Variants in CNTN5 observed in about 807,000 individuals in gnomAD.
CNTN5 encodes the protein contactin 5.
A neutral mutation model predicts 129.1 loss-of-function variants in CNTN5; 77 were observed. That is an observed-to-expected ratio of 0.60 (90% CI 0.50 to 0.72). CNTN5 has a LOEUF of 0.72. Among genes scored for constraint, CNTN5 ranks in the 30% least tolerant of loss-of-function variants. The pLI, the probability that CNTN5 is intolerant of heterozygous loss-of-function variation, is 0.00. For missense variants in CNTN5, 1,478 were observed against 1,328.8 expected (o/e 1.11, Z -1.75); for synonymous variants, 509 against 465.6 (o/e 1.09, Z -1.20).
intron 3 of CNTN5, among the ~76,000 whole-genome samples, chr11:99,606,458 A>C (rs1177313799): frequency 6.9e-6 from 1 of 145,796 alleles, no homozygotes; most frequent in Non-Finnish European, 1.5e-5. Flanking sequence ...GGACACAAAC[A>C]AATGGAAGAA....
At chr11:99,164,571 C>T (rs1860786297) in intron 1 of CNTN5, among the ~76,000 whole-genome samples, 1 of 152,124 alleles carries the variant, frequency 6.6e-6, no homozygotes, top group Non-Finnish European at 1.5e-5. Flanking sequence ...GAGTAACATA[C>T]TTACTCTTAA....
chr11:99,289,363 A>T (rs549591659), intron 1 of CNTN5, among the ~76,000 whole-genome samples: 1 of 151,804 alleles, frequency 6.6e-6, no homozygotes, highest in African/African-American at 2.4e-5. Flanking sequence ...GTAGTCTCTT[A>T]TATTTTAATA....
chr11:99,765,802 A>G (rs1312934934), intron 3 of CNTN5, among the ~76,000 whole-genome samples: 1 of 151,900 alleles, frequency 6.6e-6, no homozygotes, highest in Non-Finnish European at 1.5e-5. Flanking sequence ...GGAAGTTATG[A>G]AAATGACTGA....
chr11:99,354,844 C>G (rs1938531900), intron 2 of CNTN5, among the ~76,000 whole-genome samples: 1 of 152,190 alleles, frequency 6.6e-6, no homozygotes. Context: ...AGCTGTACAT[C>G]ACACAAAGTA....
chr11:99,813,213 C>T (rs185844949), intron 3 of CNTN5, among the ~76,000 whole-genome samples: 10 of 152,020 alleles, frequency 6.6e-5, no homozygotes, highest in Non-Finnish European at 1.2e-4. Context: ...TGAAAGAATG[C>T]GAGGGATTAT....
intron 3 of CNTN5, among the ~76,000 whole-genome samples, chr11:99,816,763 C>A (rs1370878117): frequency 1.3e-5 from 2 of 152,152 alleles, no homozygotes; most frequent in Non-Finnish European, 2.9e-5. Context: ...CTAGACGTTT[C>A]ATCATCGGCA....
At chr11:99,699,451 A>G (rs957557155) in intron 3 of CNTN5, among the ~76,000 whole-genome samples, 22 of 151,610 alleles carry the variant, frequency 1.5e-4, no homozygotes, top group Middle Eastern at 3.4e-3. Flanking sequence ...AATATTATGC[A>G]TTGAGGTATC....
chr11:99,485,168 C>A (rs1286520032), intron 2 of CNTN5, among the ~76,000 whole-genome samples: 3 of 151,744 alleles, frequency 2.0e-5, no homozygotes, highest in East Asian at 1.9e-4. Flanking sequence ...TCGCCATTGA[C>A]CCCATAAATA....
intron 18 of CNTN5, among the ~76,000 whole-genome samples, chr11:100,283,351 G>A (rs536800168): frequency 6.6e-6 from 1 of 152,316 alleles, no homozygotes; most frequent in South Asian, 2.1e-4. Flanking sequence ...TAAAGTGGGA[G>A]GAAGGTATCT....
rs7106160 is a variant in CNTN5, at chr11:100,029,382, A to T, written c.980+27246A>T. Among the ~76,000 whole-genome samples the T allele has an allele frequency of 2.2e-3, 337 of 152,188 alleles. 1 individual carries two copies. Among genetic ancestry groups the T allele is most frequent in the African/African-American group, 7.9e-3 (326 of 41,516 alleles). ...TGGATCATGAGGTCAGGAGATCGAG[A>T]CCATCCTGGCTAAGACGGTGAAACC... On this transcript the variant is annotated intron_variant, in intron 9 of 24. Transcript: ENST00000524871.
chr11:99,762,684 T>C (rs1367183856), intron 3 of CNTN5, among the ~76,000 whole-genome samples: 1 of 152,168 alleles, frequency 6.6e-6, no homozygotes, highest in African/African-American at 2.4e-5. Context: ...TAGTACAGTT[T>C]GAAGGATTCT....
chr11:99,438,883 C>T (rs148004855), intron 2 of CNTN5, among the ~76,000 whole-genome samples: 1 of 152,320 alleles, frequency 6.6e-6, no homozygotes, highest in East Asian at 1.9e-4. Context: ...TCAGCACTTA[C>T]ACACAAAGTC....
At chr11:100,131,431 A>G (rs1946376651) in intron 13 of CNTN5, among the ~76,000 whole-genome samples, 2 of 152,016 alleles carry the variant, frequency 1.3e-5, no homozygotes, top group African/African-American at 2.4e-5. Flanking sequence ...TCCAGGATGG[A>G]ATGAGAGGAG....
At chr11:99,465,042 T>C (rs932062492) in intron 2 of CNTN5, among the ~76,000 whole-genome samples, 5 of 152,222 alleles carry the variant, frequency 3.3e-5, no homozygotes, top group African/African-American at 1.2e-4. Context: ...TAAAAGTTAA[T>C]GATTCAGCTT....
At chr11:99,375,827 A>G (rs1342295041) in intron 2 of CNTN5, among the ~76,000 whole-genome samples, 1 of 152,208 alleles carries the variant, frequency 6.6e-6, no homozygotes, top group Non-Finnish European at 1.5e-5. Flanking sequence ...ACACATAGTC[A>G]CTTCCACCAT....
intron 3 of CNTN5, among the ~76,000 whole-genome samples, chr11:99,720,424 A>G (rs551172539): frequency 1.1e-4 from 17 of 149,502 alleles, no homozygotes; most frequent in African/African-American, 4.3e-4. Flanking sequence ...GATTATTTCA[A>G]TAGATGTAGA....
intron 3 of CNTN5, among the ~76,000 whole-genome samples, chr11:99,698,972 G>T (rs1180493240): frequency 6.7e-6 from 1 of 150,138 alleles, no homozygotes; most frequent in African/African-American, 2.4e-5. Flanking sequence ...CTACTCTTGT[G>T]AGCATAAAAA....
At chr11:99,258,498 CTTAT>C (rs1191965928) in intron 1 of CNTN5, among the ~76,000 whole-genome samples, 6 of 152,022 alleles carry the variant, frequency 3.9e-5, no homozygotes, top group African/African-American at 1.2e-4. Flanking sequence ...TCATAAATCA[CTTAT>C]TTATTTTTTG....
intron 8 of CNTN5, among the ~76,000 whole-genome samples, chr11:99,981,098 A>ATATATATATATT (rs1160392030): frequency 4.9e-5 from 3 of 60,658 alleles, no homozygotes; most frequent in Admixed American, 1.6e-4. Flanking sequence ...ATATATATAT[A>ATATATATATATT]TATATACACA....
Sources: gnomAD v4.1 joint callset for allele counts (sites outside exome capture counted in the v4.1 genomes callset) on GRCh38, gnomAD v4.1.1 for gene constraint, MANE v1.5 for transcripts, NCBI Gene and HGNC (gene_info 2026-07-23, HGNC 2026-07-21) for gene names.